The following GRID1 variants were observed in gnomAD, a reference collection of about 807,000 sequenced individuals.
GRID1 encodes the protein glutamate ionotropic receptor delta type subunit 1, also known as glutamate receptor ionotropic, delta-1.
A neutral mutation model predicts 98.0 loss-of-function variants in GRID1; 28 were observed. The observed-to-expected ratio is 0.29, with a 90% CI of 0.21 to 0.39. The LOEUF (loss-of-function observed/expected upper bound fraction) is 0.39. GRID1 is among the 10% of genes least tolerant of loss of function. The pLI is 1.00. For missense variants in GRID1, 1,111 were observed against 1,340.5 expected, an observed-to-expected ratio of 0.83 and a Z score of 2.67; for synonymous variants, 553 against 538.5, an observed-to-expected ratio of 1.03 and a Z score of -0.37.
chr10:85,771,773 T>C (rs1246148224), intron 8 of GRID1, among the ~76,000 whole-genome samples: 3 of 152,182 alleles, frequency 2.0e-5, no homozygotes, highest in African/African-American at 7.2e-5. Flanking sequence ...AAGAGCTAAC[T>C]ATCCTAAATA....
intron 5 of GRID1, among the ~76,000 whole-genome samples, chr10:85,878,920 A>G (rs1840955282): frequency 6.6e-6 from 1 of 152,172 alleles, no homozygotes; most frequent in Non-Finnish European, 1.5e-5. Flanking sequence ...AAAGGGATGG[A>G]GGAAGATCTA....
rs550697319 is a variant in GRID1 at position 85,902,272 on chromosome 10, T to G, written c.780+13914A>C. On this transcript the variant is annotated intron_variant, in intron 5 of 15. Coordinates refer to ENST00000327946, the MANE Select transcript of GRID1 (RefSeq NM_017551.3). ...TAATGGGTGGGTGGTGCATACAGTGTGGAGACCCTGGATAAAGGGATGATT... is the reference window on the plus strand; with the variant it reads ...TAATGGGTGGGTGGTGCATACAGTGGGGAGACCCTGGATAAAGGGATGATT... Among the ~76,000 whole-genome samples, 14 of 152,260 alleles carry G rather than the reference T, an allele frequency of 9.2e-5. No homozygotes were observed. In the South Asian group the frequency reaches 2.9e-3, roughly 32 times the overall value.
Position 85,987,811 on chromosome 10 carries a change from T to A in GRID1, c.727-71572A>T, listed in dbSNP as rs146014920. 2.0e-5 allele frequency among the ~76,000 whole-genome samples: 3 copies of A among 151,892 alleles called. No homozygotes were observed. In the East Asian group the frequency reaches 5.9e-4, roughly 30 times the overall value. Reference sequence around the variant, plus strand: ...GGCCTTCCTATACCTTGCATCTGAATGGGGTCCCCCAGCAACACCATTTCA... The same window carrying A: ...GGCCTTCCTATACCTTGCATCTGAAAGGGGTCCCCCAGCAACACCATTTCA... On this transcript the variant is annotated intron_variant, in intron 4 of 15. Coordinates refer to ENST00000327946, the MANE Select transcript of GRID1 (RefSeq NM_017551.3).
intron 12 of GRID1, among the ~76,000 whole-genome samples, chr10:85,668,136 C>A (rs983344393): frequency 6.6e-6 from 1 of 152,238 alleles, no homozygotes; most frequent in South Asian, 2.1e-4. Flanking sequence ...CTGTCAGACA[C>A]AGGAGACTGG....
intron 12 of GRID1, among the ~76,000 whole-genome samples, chr10:85,688,563 A>G (rs1446295058): frequency 6.6e-6 from 1 of 152,200 alleles, no homozygotes; most frequent in Non-Finnish European, 1.5e-5. Flanking sequence ...GAAGCTATCT[A>G]GGTGTGTGAA....
chr10:85,654,041 C>T (rs1840863719), intron 12 of GRID1, among the ~76,000 whole-genome samples: 1 of 152,196 alleles, frequency 6.6e-6, no homozygotes, highest in African/African-American at 2.4e-5. Flanking sequence ...AGAGGGACTG[C>T]AGATCCAAAC....
chr10:86,333,499 G>C (rs2132104400), intron 2 of GRID1, among the ~76,000 whole-genome samples: 1 of 152,352 alleles, frequency 6.6e-6, no homozygotes, highest in South Asian at 2.1e-4. Context: ...GCAGCAAGCT[G>C]TGAACAAATG....
At chr10:86,078,540 C>A (rs904338054) in intron 4 of GRID1, among the ~76,000 whole-genome samples, 16 of 152,224 alleles carry the variant, frequency 1.1e-4, no homozygotes, top group African/African-American at 3.9e-4. Context: ...GGGACTCATA[C>A]CTTCTTTCTC....
chr10:85,893,092 A>C (rs1344315376), intron 5 of GRID1, among the ~76,000 whole-genome samples: 1 of 152,154 alleles, frequency 6.6e-6, no homozygotes, highest in Non-Finnish European at 1.5e-5. Context: ...TTGAAAGTGA[A>C]TCAATTTAGT....
intron 3 of GRID1, among the ~76,000 whole-genome samples, chr10:86,147,410 C>T (rs1435665224): frequency 6.6e-6 from 1 of 152,166 alleles, no homozygotes; most frequent in African/African-American, 2.4e-5. Context: ...AAGAACAACG[C>T]TGGAGGCATC....
At chr10:85,897,985 G>A (rs1393224131) in intron 5 of GRID1, among the ~76,000 whole-genome samples, 1 of 152,076 alleles carries the variant, frequency 6.6e-6, no homozygotes, top group Non-Finnish European at 1.5e-5. Context: ...TAATGACAGG[G>A]ATATGTTCTG....
chr10:85,696,464 CTA>C (rs905401026), intron 12 of GRID1, among the ~76,000 whole-genome samples: 10 of 151,966 alleles, frequency 6.6e-5, no homozygotes, highest in Non-Finnish European at 1.3e-4. Flanking sequence ...GAGCAGAAAA[CTA>C]TTCATGATGT....
At chr10:85,796,582 G>T (rs920416812) in intron 8 of GRID1, among the ~76,000 whole-genome samples, 1 of 151,960 alleles carries the variant, frequency 6.6e-6, no homozygotes, top group Non-Finnish European at 1.5e-5. Context: ...GAAAAACAGC[G>T]TGAATATATA....
rs542082897 is a variant in GRID1 at position 86,219,933 on chromosome 10, G to A, written c.236-13285C>T. Among the ~76,000 whole-genome samples, 101 of 152,228 alleles carry A rather than the reference G, an allele frequency of 6.6e-4. 1 individual carries two copies. Among genetic ancestry groups the A allele is most frequent in the African/African-American group, 2.3e-3 (96 of 41,530 alleles). Reference sequence around the variant, plus strand: ...CAAAGAGAATGGACTTGGCAATCACGAAGCCCAGGCCCCAGCCCACCTCTA... The same window carrying A: ...CAAAGAGAATGGACTTGGCAATCACAAAGCCCAGGCCCCAGCCCACCTCTA... On this transcript the variant is annotated intron_variant, in intron 2 of 15. Coordinates refer to ENST00000327946, the MANE Select transcript of GRID1 (RefSeq NM_017551.3).
chr10:86,207,808 T>A (rs1846054081), intron 2 of GRID1, among the ~76,000 whole-genome samples: 1 of 152,010 alleles, frequency 6.6e-6, no homozygotes, highest in Non-Finnish European at 1.5e-5. Flanking sequence ...ATTTTTGTAT[T>A]TTTAGTAGAG....
chr10:85,695,564 T>A (rs1277845724), intron 12 of GRID1, among the ~76,000 whole-genome samples: 1 of 152,168 alleles, frequency 6.6e-6, no homozygotes, highest in African/African-American at 2.4e-5. Context: ...AGACTGCATT[T>A]CACACAATTC....
chr10:85,874,508 C>T (rs907814296), intron 5 of GRID1, among the ~76,000 whole-genome samples: 1 of 152,154 alleles, frequency 6.6e-6, no homozygotes, highest in Admixed American at 6.5e-5. Flanking sequence ...ATTGCCTTTC[C>T]TGCATTTGTG....
intron 3 of GRID1, among the ~76,000 whole-genome samples, chr10:86,203,904 G>GCACA (rs1259172497): frequency 6.6e-6 from 1 of 152,094 alleles, no homozygotes; most frequent in Non-Finnish European, 1.5e-5. Context: ...ATCCTTCCCA[G>GCACA]CACAGCTCCC....
chr10:86,081,728 C>T (rs1409029258), intron 4 of GRID1, among the ~76,000 whole-genome samples: 4 of 152,136 alleles, frequency 2.6e-5, no homozygotes, highest in Non-Finnish European at 5.9e-5. Context: ...ACGGAGGAAA[C>T]TTAAATGCAT....
Sources: allele counts gnomAD v4.1 joint callset (sites outside exome capture counted in the v4.1 genomes callset), GRCh38; gene constraint gnomAD v4.1.1; transcripts MANE v1.5; gene names NCBI Gene and HGNC (gene_info 2026-07-23, HGNC 2026-07-21).